Variants in FBXO11 observed in about 807,000 individuals in gnomAD.
FBXO11 encodes F-box protein 11.
In FBXO11, 13 loss-of-function variants were observed where a neutral mutation model predicts 117.0. The ratio of observed to expected loss-of-function variants is 0.11; its 90% CI spans 0.07 to 0.18. The LOEUF is 0.18. Among genes scored for constraint, FBXO11 ranks in the 10% least tolerant of loss-of-function variants. The probability of loss-of-function intolerance (pLI) is 1.00; values close to 1 mark genes in which losing one functional copy is unlikely to be tolerated. For missense variants in FBXO11, 767 were observed against 1,164.4 expected (o/e 0.66, Z 4.97); for synonymous variants, 490 against 380.5 (o/e 1.29, Z -3.35).
intron 1 of FBXO11, among the ~76,000 whole-genome samples, chr2:47,904,385 A>G (rs980028668): frequency 6.6e-6 from 1 of 151,972 alleles, no homozygotes; most frequent in Non-Finnish European, 1.5e-5. Context: ...AAGGTGCAAC[A>G]CCCCCCCTCA....
chr2:47,865,516 TC>T (rs1675130793), intron 1 of FBXO11, among the ~76,000 whole-genome samples: 1 of 152,178 alleles, frequency 6.6e-6, no homozygotes, highest in South Asian at 2.1e-4. Context: ...GGGGCCTAGG[TC>T]CCTAATGTCA....
chr2:47,876,853 C>T (rs1430621669), intron 1 of FBXO11, among the ~76,000 whole-genome samples: 1 of 152,038 alleles, frequency 6.6e-6, no homozygotes, highest in African/African-American at 2.4e-5. Context: ...ACTACTATGT[C>T]TAATCTCTCC....
At chr2:47,888,934 C>T (rs1192378892) in intron 1 of FBXO11, among the ~76,000 whole-genome samples, 4 of 152,042 alleles carry the variant, frequency 2.6e-5, no homozygotes, top group Non-Finnish European at 5.9e-5. Flanking sequence ...CTTAATCGCA[C>T]CCAGTTTTTA....
chr2:47,858,830 G>A (rs913038582), intron 1 of FBXO11, among the ~76,000 whole-genome samples: 2 of 151,338 alleles, frequency 1.3e-5, no homozygotes, highest in Non-Finnish European at 2.9e-5. Flanking sequence ...GGATCACGAG[G>A]TCAGGAGTTC....
chr2:47,844,488 A>C (rs1370751447), intron 1 of FBXO11, among the ~76,000 whole-genome samples: 2 of 151,948 alleles, frequency 1.3e-5, no homozygotes, highest in African/African-American at 4.8e-5. Context: ...CTTAGAACAT[A>C]TGCAGGACCA....
chr2:47,849,180 A>G (rs112679356), intron 1 of FBXO11, among the ~76,000 whole-genome samples: 2,488 of 152,342 alleles, frequency 0.016, 60 homozygotes, highest in African/African-American at 0.054. Flanking sequence ...AATGGAAATC[A>G]AGATAAAATT....
At chr2:47,895,197 A>G (rs898218829) in intron 1 of FBXO11, among the ~76,000 whole-genome samples, 1 of 152,196 alleles carries the variant, frequency 6.6e-6, no homozygotes, top group Non-Finnish European at 1.5e-5. Context: ...AGAAAAATAA[A>G]AAGGAATGCT....
intron 1 of FBXO11, among the ~76,000 whole-genome samples, chr2:47,868,875 T>A (rs1675398839): frequency 6.6e-6 from 1 of 152,168 alleles, no homozygotes; most frequent in South Asian, 2.1e-4. Flanking sequence ...AAAGGCAACA[T>A]TTGTTCTCAC....
At chr2:47,887,286 A>C (rs1263154592) in intron 1 of FBXO11, among the ~76,000 whole-genome samples, 2 of 148,120 alleles carry the variant, frequency 1.4e-5, no homozygotes, top group Non-Finnish European at 3.0e-5. Flanking sequence ...ACTCCGTTTC[A>C]AAAAAAAAAG....
Position 47,853,340 on chromosome 2 carries a change from G to C in FBXO11, c.233-13571C>G, listed in dbSNP as rs894058561. On this transcript the variant is annotated intron_variant, in intron 1 of 22. Transcript: ENST00000403359. ...CTGCCTCGGCCTCCCACAGTGCTGAGATTACAGGCATGAGCCACCGTGCCT... is the reference window on the plus strand; with the variant it reads ...CTGCCTCGGCCTCCCACAGTGCTGACATTACAGGCATGAGCCACCGTGCCT... Among the ~76,000 whole-genome samples, 20 of 151,990 alleles carry C rather than the reference G, an allele frequency of 1.3e-4. 1 individual carries two copies. The highest frequency in any genetic ancestry group is 2.9e-5 in the Non-Finnish European group (2 of 68,020).
intron 1 of FBXO11, among the ~76,000 whole-genome samples, chr2:47,861,305 T>C (rs920105294): frequency 1.3e-5 from 2 of 151,570 alleles, no homozygotes; most frequent in African/African-American, 4.8e-5. Flanking sequence ...CTATCCCATA[T>C]GAATAGTCTG....
chr2:47,833,961 C>T (rs1336868719), intron 7 of FBXO11, among the ~76,000 whole-genome samples: 1 of 152,176 alleles, frequency 6.6e-6, no homozygotes, highest in Non-Finnish European at 1.5e-5. Flanking sequence ...AGCCACCACA[C>T]CTGGCTGCAT....
intron 16 of FBXO11, chr2:47,814,311 C>G (rs1027308674): frequency 1.3e-5 from 2 of 152,774 alleles, no homozygotes; most frequent in East Asian, 1.9e-4. Context: ...AAGCACATAC[C>G]CTAACTTAAA....
At chr2:47,834,919 T>G (rs1404413641) in intron 5 of FBXO11, 48 bp from the exon 6 acceptor site, 6 of 1,322,916 alleles carry the variant, frequency 4.5e-6, no homozygotes, top group Non-Finnish European at 6.4e-6. Context: ...AACATAAACC[T>G]TATATTTAAA....
intron 16 of FBXO11, among the ~76,000 whole-genome samples, chr2:47,815,265 G>A (rs1326985614): frequency 3.9e-5 from 6 of 152,172 alleles, no homozygotes; most frequent in East Asian, 1.9e-4. Context: ...GGACAGAGTC[G>A]GGAAACCCAG....
chr2:47,873,268 C>A (rs1016024550), intron 1 of FBXO11, among the ~76,000 whole-genome samples: 2 of 152,228 alleles, frequency 1.3e-5, no homozygotes, highest in African/African-American at 4.8e-5. Flanking sequence ...AGGCCCTTCC[C>A]TTATCTGTAT....
Position 47,836,251 on chromosome 2 carries a change from G to A in FBXO11, c.588-250C>T, listed in dbSNP as rs570707314. ...TCCCAGGTTCAAGCCTCAGCCTCCT[G>A]AGTAGCTGAGATTATGGGCATGTGT... is the stretch of plus-strand genomic sequence containing the variant. On this transcript the variant is annotated intron_variant, in intron 4 of 22. Coordinates refer to ENST00000403359, the MANE Select transcript of FBXO11 (RefSeq NM_001190274.2). Among the ~76,000 whole-genome samples the A allele has an allele frequency of 1.4e-3, 218 of 152,046 alleles. 1 individual carries two copies. The highest frequency in any genetic ancestry group is 5.1e-3 in the African/African-American group (212 of 41,454).
chr2:47,871,669 C>T (rs1675635278), intron 1 of FBXO11, among the ~76,000 whole-genome samples: 1 of 152,162 alleles, frequency 6.6e-6, no homozygotes, highest in Non-Finnish European at 1.5e-5. Context: ...ATTAGGGTGG[C>T]TATCTTTTTC....
intron 1 of FBXO11, among the ~76,000 whole-genome samples, chr2:47,859,220 C>A (rs1006295942): frequency 2.0e-5 from 3 of 151,634 alleles, no homozygotes; most frequent in Non-Finnish European, 4.4e-5. Flanking sequence ...TTCTAGGATG[C>A]GATGTATAAG....
Sources: gnomAD v4.1 joint callset for allele counts (sites outside exome capture counted in the v4.1 genomes callset) on GRCh38, gnomAD v4.1.1 for gene constraint, MANE v1.5 for transcripts, NCBI Gene and HGNC (gene_info 2026-07-23, HGNC 2026-07-21) for gene names.